The following AFF3 variants were observed in gnomAD, a reference collection of about 807,000 sequenced individuals.
AFF3 encodes AF4/FMR2 family member 3.
Under a neutral mutation model 129.7 loss-of-function variants are expected in AFF3, and 32 were observed. The observed-to-expected ratio is 0.25, with a 90% CI of 0.19 to 0.33. The LOEUF is 0.33. Ranked by LOEUF, AFF3 falls within the 10% of genes least tolerant of loss-of-function variation. AFF3 has a pLI of 1.00. For missense variants in AFF3, 1,373 were observed against 1,592.0 expected (o/e 0.86, Z 2.34); for synonymous variants, 644 against 635.4 (o/e 1.01, Z -0.20).
chr2:99,615,297 T>C (rs1216333798), intron 13 of AFF3, among the ~76,000 whole-genome samples: 1 of 152,232 alleles, frequency 6.6e-6, no homozygotes, highest in Non-Finnish European at 1.5e-5. Flanking sequence ...TGTGTTGGCT[T>C]GGCCAGGTCC....
At chr2:99,653,000 T>C (rs891591838) in intron 12 of AFF3, among the ~76,000 whole-genome samples, 1 of 152,138 alleles carries the variant, frequency 6.6e-6, no homozygotes, top group Admixed American at 6.5e-5. Flanking sequence ...CCCTCTCCCC[T>C]CAGTCCCTCT....
At chr2:99,830,751 A>C (rs575765780) in intron 8 of AFF3, among the ~76,000 whole-genome samples, 1 of 152,350 alleles carries the variant, frequency 6.6e-6, no homozygotes, top group African/African-American at 2.4e-5. Context: ...GACAAAAACA[A>C]AAACAAAAAC....
rs73964362 is a variant in AFF3, at chr2:99,914,204, G to A, written c.874-76680C>T. ...AATGTCACCTGCCTCTTGACATGAT[G>A]TGCAACGAACTGAGAAGGACCAGCA... On this transcript the variant is annotated intron_variant, in intron 7 of 24. Transcript: ENST00000672756. 2.4e-3 allele frequency among the ~76,000 whole-genome samples: 371 copies of A among 152,282 alleles called. 2 individuals carry two copies. The highest frequency in any genetic ancestry group is 8.2e-3 in the African/African-American group (340 of 41,556).
chr2:100,049,484 A>G (rs559667872), intron 4 of AFF3, among the ~76,000 whole-genome samples: 1 of 152,234 alleles, frequency 6.6e-6, no homozygotes, highest in Non-Finnish European at 1.5e-5. Context: ...CGGACTTTAG[A>G]AAATAACGGC....
Position 99,648,917 on chromosome 2 carries a change from A to ACACACTCTCT in AFF3, c.1184+708_1184+709insAGAGAGTGTG. On this transcript the variant is annotated intron_variant, in intron 13 of 24. Coordinates refer to ENST00000672756, the MANE Select transcript of AFF3 (RefSeq NM_001386135.1). ...CACACACACACACACACACACACAC[A>ACACACTCTCT]CTCTCTCTCTCTCTCTCTCTCCAAT... 3.6e-4 allele frequency among the ~76,000 whole-genome samples: 17 copies of ACACACTCTCT among 46,940 alleles called. No homozygotes were observed. The South Asian group carries it at 3.7e-3, about 10-fold the overall frequency. 30.8% of individuals were successfully genotyped at this position (46,940 alleles called of 152,430 possible). A position where few individuals can be genotyped will look rare whatever the true frequency, so the allele number is the denominator to read the frequency against.
At chr2:99,816,003 C>T (rs1687201325) in intron 8 of AFF3, among the ~76,000 whole-genome samples, 1 of 151,226 alleles carries the variant, frequency 6.6e-6, no homozygotes, top group African/African-American at 2.4e-5. Context: ...TGAATGTTAC[C>T]ATTTGATATT....
chr2:100,043,282 A>T (rs1055150570), intron 4 of AFF3, among the ~76,000 whole-genome samples: 2 of 152,108 alleles, frequency 1.3e-5, no homozygotes, highest in African/African-American at 4.8e-5. Flanking sequence ...GGCGGTGAAA[A>T]ACCCTGTGGC....
At chr2:100,056,063 T>TCACACACACACACACACACACA (rs369771394) in intron 4 of AFF3, among the ~76,000 whole-genome samples, 1 of 120,516 alleles carries the variant, frequency 8.3e-6, no homozygotes, top group African/African-American at 3.3e-5. Context: ...TGTCTCTCTC[T>TCACACACACACACACACACACA]CACACACACA....
intron 7 of AFF3, among the ~76,000 whole-genome samples, chr2:99,884,050 C>T (rs962920118): frequency 6.6e-6 from 1 of 152,168 alleles, no homozygotes; most frequent in African/African-American, 2.4e-5. Context: ...TCATTTTACC[C>T]ACTGTGATAC....
At chr2:100,030,937 C>T (rs565040181) in intron 4 of AFF3, among the ~76,000 whole-genome samples, 18 of 152,144 alleles carry the variant, frequency 1.2e-4, no homozygotes, top group African/African-American at 4.1e-4. Context: ...AAGCATTGGT[C>T]AAAATTCATA....
intron 15 of AFF3, 52 bp from the exon 16 acceptor site, chr2:99,587,330 T>C (rs773852465): frequency 6.2e-7 from 1 of 1,606,496 alleles, no homozygotes; most frequent in East Asian, 2.2e-5. Context: ...AGAGGTATTA[T>C]GAGTTCCCAG....
chr2:99,806,704 C>T (rs1686380423), intron 8 of AFF3, among the ~76,000 whole-genome samples: 1 of 152,118 alleles, frequency 6.6e-6, no homozygotes, highest in African/African-American at 2.4e-5. Flanking sequence ...CACGCCCCCA[C>T]CCTCATTCAA....
At chr2:100,141,666 T>C (rs1218944484) in intron 1 of AFF3, among the ~76,000 whole-genome samples, 1 of 152,092 alleles carries the variant, frequency 6.6e-6, no homozygotes, top group Non-Finnish European at 1.5e-5. Context: ...TTTTTATATA[T>C]GTGAGACTCG....
chr2:99,748,117 C>G (rs1209736687), intron 9 of AFF3, among the ~76,000 whole-genome samples: 9 of 152,152 alleles, frequency 5.9e-5, no homozygotes, highest in Admixed American at 3.9e-4. Context: ...AGGGGCCCCA[C>G]AGGCTATGCA....
intron 8 of AFF3, among the ~76,000 whole-genome samples, chr2:99,811,741 T>C (rs536681594): frequency 6.6e-6 from 1 of 152,256 alleles, no homozygotes; most frequent in Non-Finnish European, 1.5e-5. Context: ...AAAGAATTTC[T>C]ACAGGTTGAG....
intron 12 of AFF3, 63 bp from the exon 13 acceptor site, chr2:99,649,729 T>C: frequency 1.3e-6 from 2 of 1,583,194 alleles, no homozygotes; most frequent in South Asian, 1.1e-5. Context: ...ACGTGCTCAA[T>C]GAACACTTAA....
At chr2:99,658,012 C>A (rs551816562) in intron 12 of AFF3, among the ~76,000 whole-genome samples, 3 of 152,208 alleles carry the variant, frequency 2.0e-5, no homozygotes, top group African/African-American at 7.2e-5. Context: ...GATAAACCCA[C>A]GTGTGACATC....
intron 7 of AFF3, among the ~76,000 whole-genome samples, chr2:99,885,706 T>C (rs142023900): frequency 1.9e-3 from 291 of 152,252 alleles, no homozygotes; most frequent in Non-Finnish European, 3.1e-3. Context: ...TACTGAATCC[T>C]TGGGGTTCCA....
intron 8 of AFF3, among the ~76,000 whole-genome samples, chr2:99,794,007 C>A (rs930029187): frequency 1.4e-4 from 21 of 152,320 alleles, no homozygotes; most frequent in Non-Finnish European, 1.8e-4. Flanking sequence ...CTGATGATTT[C>A]TTCTTTGACA....
Sources: allele counts gnomAD v4.1 joint callset (sites outside exome capture counted in the v4.1 genomes callset), GRCh38; gene constraint gnomAD v4.1.1; transcripts MANE v1.5; gene names NCBI Gene and HGNC (gene_info 2026-07-23, HGNC 2026-07-21).